Variants in DRAM1 observed in about 807,000 individuals in gnomAD.
The protein encoded by DRAM1 is DNA damage regulated autophagy modulator 1.
A neutral mutation model predicts 28.5 loss-of-function variants in DRAM1; 25 were observed. The ratio of observed to expected loss-of-function variants is 0.88; its 90% confidence interval spans 0.64 to 1.23. The LOEUF (loss-of-function observed/expected upper bound fraction) is 1.23, where lower values mean the gene tolerates loss of function less well. DRAM1 is among the 50% of genes most tolerant of loss of function. DRAM1 has a pLI of 0.00. For synonymous variants in DRAM1, 113 were observed against 114.2 expected (o/e 0.99, Z 0.07); for missense variants, 249 against 299.2 (o/e 0.83, Z 1.24).
chr12:101,896,163 C>T (rs1873362484), intron 1 of DRAM1, among the ~76,000 whole-genome samples: 1 of 152,240 alleles, frequency 6.6e-6, no homozygotes, highest in Non-Finnish European at 1.5e-5. Flanking sequence ...GCTGGGATTA[C>T]AGGCGTGGGC....
chr12:101,914,478 T>C (rs892100676), intron 5 of DRAM1, among the ~76,000 whole-genome samples: 1 of 138,360 alleles, frequency 7.2e-6, no homozygotes, highest in African/African-American at 3.0e-5. Flanking sequence ...TCTTTCTTCT[T>C]CTTCTTCTTT....
chr12:101,878,064 C>G, intron 1 of DRAM1, 144 bp downstream of exon 1: 1 of 1,185,250 alleles, frequency 8.4e-7, no homozygotes. Flanking sequence ...GAGGTGCTCC[C>G]GATAGCCTGG....
intron 1 of DRAM1, among the ~76,000 whole-genome samples, chr12:101,896,938 C>T (rs1873395658): frequency 6.6e-6 from 1 of 151,758 alleles, no homozygotes; most frequent in Non-Finnish European, 1.5e-5. Context: ...CAGGCATGTG[C>T]CACCATGGCC....
chr12:101,881,683 G>C (rs944452462), intron 1 of DRAM1, among the ~76,000 whole-genome samples: 38 of 152,042 alleles, frequency 2.5e-4, no homozygotes, highest in Admixed American at 1.1e-3. Context: ...TTGTTCAAAC[G>C]TTACCTTCCT....
In DRAM1 at chr12:101,903,788, G is replaced by C. The variant is rs140505301; in HGVS notation, c.342+2355G>C. On this transcript the variant is annotated intron_variant, in intron 3 of 6. Coordinates refer to ENST00000258534, the MANE Select transcript of DRAM1 (RefSeq NM_018370.3). ...CATACATCAAAACATCTACAGCCAG[G>C]TGTGGTGGCTCATACCTGTAATCCC... 6.6e-5 allele frequency among the ~76,000 whole-genome samples: 10 copies of C among 151,966 alleles called. No individual in the cohort carries two copies. In the East Asian group the frequency reaches 1.9e-3, roughly 29 times the overall value.
intron 1 of DRAM1, among the ~76,000 whole-genome samples, chr12:101,882,659 G>A (rs1872730315): frequency 6.6e-6 from 1 of 151,120 alleles, no homozygotes; most frequent in African/African-American, 2.4e-5. Context: ...GTGATCTAGT[G>A]GGTTAGCAGA....
intron 1 of DRAM1, among the ~76,000 whole-genome samples, chr12:101,890,907 C>A (rs77308486): frequency 1.4e-4 from 22 of 152,122 alleles, no homozygotes; most frequent in Admixed American, 3.9e-4. Context: ...CCCGCCACCA[C>A]GCCCAGCTAA....
intron 3 of DRAM1, among the ~76,000 whole-genome samples, chr12:101,904,439 T>G (rs1873723938): frequency 1.3e-5 from 1 of 77,466 alleles, no homozygotes; most frequent in Non-Finnish European, 2.3e-5. Flanking sequence ...TTTTTTTTTT[T>G]TTTTTTTTTT....
At chr12:101,909,683 T>G (rs74544520) in intron 4 of DRAM1, among the ~76,000 whole-genome samples, 5,771 of 152,280 alleles carry the variant, frequency 0.038, 364 homozygotes, top group African/African-American at 0.13. Flanking sequence ...TGAAATCCAT[T>G]TTATTTTCTA....
At chr12:101,903,982 A>G (rs1483672389) in intron 3 of DRAM1, among the ~76,000 whole-genome samples, 3 of 151,874 alleles carry the variant, frequency 2.0e-5, no homozygotes, top group Non-Finnish European at 4.4e-5. Flanking sequence ...CCTCATAAAT[A>G]TGAACAATTA....
chr12:101,918,965 A>G (rs942576177), intron 5 of DRAM1, among the ~76,000 whole-genome samples: 4 of 152,122 alleles, frequency 2.6e-5, no homozygotes, highest in East Asian at 3.9e-4. Flanking sequence ...TCTGTCACCC[A>G]GGTTGGAGTA....
intron 1 of DRAM1, among the ~76,000 whole-genome samples, chr12:101,883,933 CAAA>C (rs1278466703): frequency 8.7e-6 from 1 of 114,966 alleles, no homozygotes. Flanking sequence ...GACTCTTTCT[CAAA>C]AAAAAAAAAA....
intron 1 of DRAM1, among the ~76,000 whole-genome samples, chr12:101,878,908 GT>G (rs143884688): frequency 0.09 from 13,604 of 151,742 alleles, 767 homozygotes; most frequent in Middle Eastern, 0.18. Context: ...TTGTTTGTTT[GT>G]TTTTTTCCTT....
chr12:101,912,863 G>A (rs1874096502), intron 4 of DRAM1, among the ~76,000 whole-genome samples: 1 of 151,862 alleles, frequency 6.6e-6, no homozygotes, highest in Admixed American at 6.6e-5. Context: ...AGGTAGCTGG[G>A]ATTACAGGTG....
chr12:101,883,091 A>G (rs1309849661), intron 1 of DRAM1, among the ~76,000 whole-genome samples: 4 of 151,066 alleles, frequency 2.6e-5, no homozygotes, highest in Non-Finnish European at 5.9e-5. Context: ...ACATTGTTAC[A>G]TGGGAAAAAG....
chr12:101,895,859 C>T (rs1031637129), intron 1 of DRAM1, among the ~76,000 whole-genome samples: 6 of 150,614 alleles, frequency 4.0e-5, no homozygotes, highest in Admixed American at 6.6e-5. Context: ...TGTGAACCAC[C>T]GCGCCTGGTC....
At chr12:101,913,705 CAAAAAAAA>C (rs60536139) in intron 4 of DRAM1, among the ~76,000 whole-genome samples, 1 of 50,184 alleles carries the variant, frequency 2.0e-5, no homozygotes, top group Non-Finnish European at 4.5e-5. Flanking sequence ...GAGTACGTCT[CAAAAAAAA>C]AAAAAAAAAA....
intron 3 of DRAM1, among the ~76,000 whole-genome samples, chr12:101,903,934 C>CAA (rs1873694436): frequency 7.3e-6 from 1 of 137,876 alleles, no homozygotes; most frequent in Admixed American, 6.9e-5. Context: ...CATACACACA[C>CAA]ACACACACAC....
intron 1 of DRAM1, among the ~76,000 whole-genome samples, chr12:101,896,751 A>C (rs1873388867): frequency 6.6e-6 from 1 of 152,170 alleles, no homozygotes; most frequent in Admixed American, 6.5e-5. Context: ...ATTTCCATAA[A>C]GTATTCCTAG....
Sources: allele counts gnomAD v4.1 joint callset (sites outside exome capture counted in the v4.1 genomes callset), GRCh38; gene constraint gnomAD v4.1.1; transcripts MANE v1.5; gene names NCBI Gene and HGNC (gene_info 2026-07-23, HGNC 2026-07-21).